CDH23: variants seen among roughly 807,000 people sequenced by gnomAD.
CDH23 encodes cadherin related 23.
In CDH23, 189 loss-of-function variants were observed where a neutral mutation model predicts 317.1. The observed-to-expected ratio is 0.60, with a 90% CI of 0.53 to 0.67. The LOEUF is 0.67. Ranked by LOEUF, CDH23 falls within the 30% of genes least tolerant of loss-of-function variation. The pLI is 0.00. For missense variants in CDH23, 4,401 were observed against 4,592.4 expected (o/e 0.96, Z 1.20); for synonymous variants, 1,839 against 1,876.8 (o/e 0.98, Z 0.52).
At chr10:71,418,665 C>T (rs917401685) in intron 1 of CDH23, among the ~76,000 whole-genome samples, 2 of 152,186 alleles carry the variant, frequency 1.3e-5, no homozygotes, top group African/African-American at 4.8e-5. Context: ...ATCGTCATAC[C>T]GTAGCTTCTG....
intron 26 of CDH23, 59 bp from the exon 27 acceptor site, chr10:71,709,039 G>A (rs953490876): frequency 1.3e-5 from 20 of 1,511,378 alleles, no homozygotes; most frequent in Admixed American, 1.7e-5. Context: ...CAGAGTCCCC[G>A]CTTCCCCTGG....
intron 1 of CDH23, among the ~76,000 whole-genome samples, chr10:71,432,843 C>T (rs1001574775): frequency 1.3e-5 from 2 of 152,098 alleles, no homozygotes; most frequent in African/African-American, 4.8e-5. Flanking sequence ...GCTCCATGTC[C>T]CTAGAAACGT....
intron 28 of CDH23, chr10:71,717,319 G>A (rs1040086600): frequency 5.3e-5 from 8 of 152,198 alleles, no homozygotes; most frequent in African/African-American, 1.9e-4. Flanking sequence ...TCAGAAGCAG[G>A]TCTCCTGACT....
At chr10:71,642,455 A>G (rs1370058039) in intron 11 of CDH23, among the ~76,000 whole-genome samples, 1 of 135,344 alleles carries the variant, frequency 7.4e-6, no homozygotes, top group South Asian at 2.5e-4. Flanking sequence ...CTGGAGTGCA[A>G]TGGCATGATC....
rs771156448 is a variant in CDH23 at position 71,679,512 on chromosome 10, C to T, written c.1858+20C>T. On this transcript the variant is annotated intron_variant, in intron 17 of 69. Coordinates refer to ENST00000224721, the MANE Select transcript of CDH23 (RefSeq NM_022124.6). ...ATGGAGGTAGGTGTGGGGCAGAACT[C>T]GGGGCCCAGCCAGGAGGAGGGCTGG... 12 of 1,572,976 alleles carry T rather than the reference C, an allele frequency of 7.6e-6. No homozygotes were observed. The highest frequency in any genetic ancestry group is 5.4e-5 in the African/African-American group (4 of 74,120).
intron 28 of CDH23, among the ~76,000 whole-genome samples, chr10:71,722,277 C>CA (rs911333270): frequency 1.6e-4 from 24 of 151,780 alleles, no homozygotes; most frequent in Admixed American, 2.6e-4. Flanking sequence ...CCTGTCTCTA[C>CA]AAAAAAAATA....
intron 9 of CDH23, among the ~76,000 whole-genome samples, chr10:71,608,722 A>G (rs951643318): frequency 6.6e-6 from 1 of 152,232 alleles, no homozygotes; most frequent in East Asian, 1.9e-4. Context: ...CGCACTGCAC[A>G]GGGCAGCTGC....
chr10:71,812,739 C>G (rs1006936273), intron 67 of CDH23, 29 bp from the exon 68 acceptor site: 1 of 1,612,828 alleles, frequency 6.2e-7, no homozygotes, highest in African/African-American at 1.3e-5. Context: ...GGGTCTGCCT[C>G]TGCTCCAGCT....
intron 25 of CDH23, among the ~76,000 whole-genome samples, chr10:71,706,395 A>C (rs1246930131): frequency 6.6e-6 from 1 of 152,176 alleles, no homozygotes; most frequent in Non-Finnish European, 1.5e-5. Context: ...ACTTTGGACA[A>C]GTCACTCAGC....
intron 20 of CDH23, among the ~76,000 whole-genome samples, chr10:71,693,337 G>A (rs1302280789): frequency 6.6e-6 from 1 of 151,952 alleles, no homozygotes; most frequent in East Asian, 1.9e-4. Flanking sequence ...GCCACTATCA[G>A]GGTGATGTTT....
chr10:71,450,817 T>C (rs1449833283), intron 3 of CDH23, among the ~76,000 whole-genome samples: 1 of 152,120 alleles, frequency 6.6e-6, no homozygotes, highest in East Asian at 1.9e-4. Context: ...GGTGGTCCCA[T>C]CTAGCCTCCT....
intron 7 of CDH23, 123 bp from the exon 8 acceptor site, chr10:71,570,667 T>G (rs1436223655): frequency 9.5e-7 from 1 of 1,051,330 alleles, no homozygotes; most frequent in Non-Finnish European, 1.4e-6. Context: ...GGTGTGTGTG[T>G]GCGTGTGCAT....
At position 71,398,890 on chromosome 10, in the gene CDH23, G is replaced by T. The variant is rs565377798; in HGVS notation, c.-6+1572G>T. Among the ~76,000 whole-genome samples, 10 of 152,230 alleles carry T rather than the reference G, an allele frequency of 6.6e-5. No individual in the cohort carries two copies. In the South Asian group the frequency reaches 2.1e-3, roughly 32 times the overall value. On this transcript the variant is annotated intron_variant, in intron 1 of 69. Coordinates refer to ENST00000224721, the MANE Select transcript of CDH23 (RefSeq NM_022124.6). Reference sequence around the variant, plus strand: ...CGAGTGCTGGAGGACAGCAGTGAGGGGTGGGAGGCCCAGAGCTAGCATCCT... The same window carrying T: ...CGAGTGCTGGAGGACAGCAGTGAGGTGTGGGAGGCCCAGAGCTAGCATCCT...
chr10:71,734,524 A>T (rs1839500097), intron 33 of CDH23, 132 bp from the exon 34 acceptor site: 1 of 1,600,804 alleles, frequency 6.2e-7, no homozygotes, highest in African/African-American at 1.3e-5. Flanking sequence ...CTAGGATGAG[A>T]CCTCAGGCAG....
intron 1 of CDH23, among the ~76,000 whole-genome samples, chr10:71,435,193 C>T (rs909270134): frequency 3.3e-5 from 5 of 152,208 alleles, no homozygotes; most frequent in Non-Finnish European, 7.3e-5. Flanking sequence ...GTTGTTTAGC[C>T]TCTCTGAGCC....
rs112642502 is a variant in CDH23 at position 71,477,774 on chromosome 10, A to G, written c.145+31379A>G. Among the ~76,000 whole-genome samples the G allele has an allele frequency of 9.1e-3, 1,388 of 152,058 alleles. 35 individuals are homozygous for G. The highest frequency in any genetic ancestry group is 0.031 in the African/African-American group (1,303 of 41,452). On this transcript the variant is annotated intron_variant, in intron 3 of 69. Coordinates refer to ENST00000224721, the MANE Select transcript of CDH23 (RefSeq NM_022124.6). Reference sequence around the variant, plus strand: ...AACTTTCTTGTTCTTAAACCAATTCACTAAGTCACTAGATCTTGCTGTTTC... The same window carrying G: ...AACTTTCTTGTTCTTAAACCAATTCGCTAAGTCACTAGATCTTGCTGTTTC...
intron 3 of CDH23, among the ~76,000 whole-genome samples, chr10:71,480,169 A>T (rs762976793): frequency 5.9e-5 from 9 of 152,198 alleles, no homozygotes; most frequent in Non-Finnish European, 1.3e-4. Flanking sequence ...GACCTAGTGC[A>T]TGGCCCCCCT....
chr10:71,702,859 G>A (rs938153382), intron 24 of CDH23, among the ~76,000 whole-genome samples, 165 bp downstream of exon 24: 1 of 152,174 alleles, frequency 6.6e-6, no homozygotes, highest in South Asian at 2.1e-4. Context: ...GAAAAGGATA[G>A]GGAGATGGGC....
At chr10:71,588,147 G>A (rs1322501971) in intron 9 of CDH23, among the ~76,000 whole-genome samples, 1 of 152,172 alleles carries the variant, frequency 6.6e-6, no homozygotes, top group African/African-American at 2.4e-5. Flanking sequence ...CAGCCCATCA[G>A]CCACCTCCCA....
Sources: allele counts gnomAD v4.1 joint callset (sites outside exome capture counted in the v4.1 genomes callset), GRCh38; gene constraint gnomAD v4.1.1; transcripts MANE v1.5; gene names NCBI Gene and HGNC (gene_info 2026-07-23, HGNC 2026-07-21).